CRYL1: variants seen among roughly 807,000 people sequenced by gnomAD.
The protein encoded by CRYL1 is crystallin lambda 1.
CRYL1 carries 29 observed loss-of-function variants against 36.6 expected under a neutral mutation model. The observed-to-expected ratio is 0.79, with a 90% confidence interval of 0.59 to 1.08. CRYL1 has a LOEUF of 1.08. Ranked by LOEUF, CRYL1 falls within the 50% of genes least tolerant of loss-of-function variation. The pLI, the probability that CRYL1 is intolerant of heterozygous loss-of-function variation, is 0.00. For synonymous variants in CRYL1, 152 were observed against 151.5 expected, an observed-to-expected ratio of 1.00 and a Z score of -0.02; for missense variants, 411 against 407.9, an observed-to-expected ratio of 1.01 and a Z score of -0.06.
intron 3 of CRYL1, among the ~76,000 whole-genome samples, chr13:20,444,410 G>T (rs920062065): frequency 2.0e-5 from 3 of 152,080 alleles, no homozygotes; most frequent in African/African-American, 7.2e-5. Flanking sequence ...GTGACTTCCT[G>T]GGGCTTAGGT....
At chr13:20,462,267 T>TG (rs2032846893) in intron 3 of CRYL1, among the ~76,000 whole-genome samples, 1 of 151,516 alleles carries the variant, frequency 6.6e-6, no homozygotes, top group Non-Finnish European at 1.5e-5. Flanking sequence ...TGGGAGGCCC[T>TG]GGGGGCGCCC....
intron 5 of CRYL1, chr13:20,431,042 G>A: frequency 1.0e-6 from 1 of 985,438 alleles, no homozygotes; most frequent in Non-Finnish European, 1.2e-6. Flanking sequence ...CAACCGCGTG[G>A]CAAATGCACC....
chr13:20,476,854 C>A (rs1386157317), intron 3 of CRYL1: 1 of 152,238 alleles, frequency 6.6e-6, no homozygotes, highest in Admixed American at 6.5e-5. Context: ...GAGACCTCGA[C>A]TCTACTAAAA....
intron 6 of CRYL1, among the ~76,000 whole-genome samples, chr13:20,412,134 C>G (rs868466926): frequency 3.3e-5 from 5 of 152,148 alleles, no homozygotes; most frequent in African/African-American, 1.2e-4. Context: ...TTCAGCTTAC[C>G]CACTTAAAGC....
intron 6 of CRYL1, among the ~76,000 whole-genome samples, chr13:20,411,479 T>G (rs1310700483): frequency 6.6e-6 from 1 of 151,662 alleles, no homozygotes; most frequent in African/African-American, 2.4e-5. Flanking sequence ...CTTATTTTTC[T>G]CAAGAAAAAA....
chr13:20,417,647 C>T (rs1178497654), intron 5 of CRYL1, among the ~76,000 whole-genome samples: 1 of 152,176 alleles, frequency 6.6e-6, no homozygotes, highest in Non-Finnish European at 1.5e-5. Context: ...TGTTAAGGAA[C>T]CCCTTTTATT....
intron 1 of CRYL1, among the ~76,000 whole-genome samples, chr13:20,521,102 C>CAA (rs55882188): frequency 3.2e-4 from 24 of 75,534 alleles, no homozygotes; most frequent in African/African-American, 1.4e-3. Context: ...GACTCCGTCT[C>CAA]AAAAAAAAAA....
At chr13:20,459,939 T>A (rs990830665) in intron 3 of CRYL1, among the ~76,000 whole-genome samples, 1 of 152,268 alleles carries the variant, frequency 6.6e-6, no homozygotes, top group Non-Finnish European at 1.5e-5. Context: ...AGGGTCTGTC[T>A]GCTTTCCTCC....
chr13:20,482,518 A>T (rs2033298335), intron 3 of CRYL1, among the ~76,000 whole-genome samples: 2 of 152,224 alleles, frequency 1.3e-5, no homozygotes, highest in South Asian at 4.1e-4. Flanking sequence ...ATTTGATTTC[A>T]AAATTGCACT....
At chr13:20,427,944 G>A (rs887495751) in intron 5 of CRYL1, among the ~76,000 whole-genome samples, 1 of 151,438 alleles carries the variant, frequency 6.6e-6, no homozygotes, top group South Asian at 2.1e-4. Flanking sequence ...TCTCAGAAAC[G>A]ACGAACCATC....
intron 5 of CRYL1, among the ~76,000 whole-genome samples, chr13:20,426,306 A>T: frequency 6.7e-6 from 1 of 148,574 alleles, no homozygotes; most frequent in East Asian, 2.0e-4. Flanking sequence ...AGAGGGTCTC[A>T]CTATGTTACC....
chr13:20,471,605 AAAAAAAAAAAGG>A lies in CRYL1; in HGVS notation c.276+17753_276+17764del, dbSNP rs2033062696. On this transcript the variant is annotated intron_variant, in intron 3 of 7. Transcript: ENST00000298248. Reference sequence around the variant, plus strand: ...GGGCGACAGAGCGAGACTCTGTCTCAAAAAAAAAAAGGAAAAGACAAAGGAAATGCAAAATTG... The same window carrying A: ...GGGCGACAGAGCGAGACTCTGTCTCAAAAAGACAAAGGAAATGCAAAATTG... Among the ~76,000 whole-genome samples the A allele has an allele frequency of 2.1e-5, 3 of 146,054 alleles. No individual in the cohort carries two copies. In the South Asian group the frequency reaches 6.5e-4, roughly 32 times the overall value.
chr13:20,517,942 A>AAG (rs1306991226), intron 1 of CRYL1, among the ~76,000 whole-genome samples: 1 of 151,170 alleles, frequency 6.6e-6, no homozygotes, highest in African/African-American at 2.4e-5. Flanking sequence ...TCTCAAGAAA[A>AAG]AAAAAAAAAA....
At chr13:20,430,457 GTCAC>G in intron 5 of CRYL1, 1 of 985,366 alleles carries the variant, frequency 1.0e-6, no homozygotes, top group Non-Finnish European at 1.2e-6. Context: ...GTAACACAAT[GTCAC>G]TCAGGCTGCC....
chr13:20,433,582 T>C (rs902343755), intron 4 of CRYL1, among the ~76,000 whole-genome samples: 4 of 152,186 alleles, frequency 2.6e-5, no homozygotes, highest in African/African-American at 9.6e-5. Context: ...AATAGACAGA[T>C]GGTAAATCGA....
intron 2 of CRYL1, among the ~76,000 whole-genome samples, chr13:20,508,881 A>ACAAAC (rs1565988325): frequency 7.5e-5 from 10 of 133,024 alleles, no homozygotes; most frequent in African/African-American, 2.7e-4. Flanking sequence ...AAAAACAAAA[A>ACAAAC]AAAAAAACTG....
rs771445904 is a variant in CRYL1, at chr13:20,512,428, C to T, written c.149+15G>A. The T allele has an allele frequency of 1.8e-5, 28 of 1,579,334 alleles. No homozygotes were observed. The highest frequency in any genetic ancestry group is 1.6e-4 in the East Asian group (7 of 44,678). The stretch of plus-strand genomic sequence containing the variant: ...ACCCACTTCCATTCCTTCTGGAGAG[C>T]GCCGGCTGGCCCACCTGATGTTTTC... On this transcript the variant is annotated intron_variant, in intron 2 of 7. Coordinates refer to ENST00000298248, the MANE Select transcript of CRYL1 (RefSeq NM_015974.3).
intron 5 of CRYL1, among the ~76,000 whole-genome samples, chr13:20,424,431 A>G (rs956125270): frequency 2.6e-5 from 4 of 152,246 alleles, no homozygotes; most frequent in African/African-American, 7.2e-5. Flanking sequence ...CAGAGCCAAG[A>G]GAGCTCTCCA....
At position 20,499,974 on chromosome 13, in the gene CRYL1, T is replaced by TG. The variant is rs561192230; in HGVS notation, c.150-10479dup. ...AGCTACTGTCCAGGGCTTGTTTCTT[T>TG]GGGGGGAGTTCATGAAAAGGACTCT... is the stretch of plus-strand genomic sequence containing the variant. On this transcript the variant is annotated intron_variant, in intron 2 of 7. Coordinates refer to ENST00000298248, the MANE Select transcript of CRYL1 (RefSeq NM_015974.3). Among the ~76,000 whole-genome samples the TG allele has an allele frequency of 2.0e-4, 30 of 152,288 alleles. No homozygotes were observed. The East Asian group carries it at 5.4e-3, about 27-fold the overall frequency.
Sources: gnomAD v4.1 joint callset for allele counts (sites outside exome capture counted in the v4.1 genomes callset) on GRCh38, gnomAD v4.1.1 for gene constraint, MANE v1.5 for transcripts, NCBI Gene and HGNC (gene_info 2026-07-23, HGNC 2026-07-21) for gene names.